TMOD1: variants seen among roughly 807,000 people sequenced by gnomAD.
TMOD1 encodes the protein tropomodulin 1.
A neutral mutation model predicts 40.6 loss-of-function variants in TMOD1; 17 were observed. The ratio of observed to expected loss-of-function variants is 0.42; its 90% confidence interval spans 0.29 to 0.63. TMOD1 has a LOEUF of 0.63. TMOD1 is among the 20% of genes least tolerant of loss of function. The pLI is 0.22. For synonymous variants in TMOD1, 181 were observed against 175.0 expected, an observed-to-expected ratio of 1.03 and a Z score of -0.27; for missense variants, 391 against 447.6, an observed-to-expected ratio of 0.87 and a Z score of 1.14.
chr9:97,575,361 A>C (rs1165905844), intron 8 of TMOD1, among the ~76,000 whole-genome samples: 1 of 152,228 alleles, frequency 6.6e-6, no homozygotes, highest in Non-Finnish European at 1.5e-5. Flanking sequence ...CAAACTCCGG[A>C]CACACCGCCT....
chr9:97,599,782 T>C lies in TMOD1; in HGVS notation c.*84T>C. ...CTGCAGGGGAAACCAGAAGGCAAAA[T>C]GCTGGCAGCATGAAACCCTTTTGTG... On this transcript the variant is annotated 3_prime_UTR_variant, in exon 10 of 10. Transcript: ENST00000259365. The C allele has an allele frequency of 6.2e-7, 1 of 1,605,876 alleles. No individual in the cohort carries two copies. The highest frequency in any genetic ancestry group is 8.5e-7 in the Non-Finnish European group (1 of 1,175,002).
chr9:97,584,098 T>G (rs1825815747), intron 8 of TMOD1, among the ~76,000 whole-genome samples: 1 of 149,724 alleles, frequency 6.7e-6, no homozygotes, highest in Admixed American at 6.6e-5. Context: ...GATGTTAGGG[T>G]GTCAATTTTG....
At chr9:97,511,164 A>G (rs1007954052) in intron 1 of TMOD1, among the ~76,000 whole-genome samples, 1 of 152,132 alleles carries the variant, frequency 6.6e-6, no homozygotes, top group Non-Finnish European at 1.5e-5. Flanking sequence ...AGCATCGAGC[A>G]TGGCTCATTG....
intron 2 of TMOD1, 39 bp from the exon 3 acceptor site, chr9:97,546,146 C>T: frequency 3.2e-6 from 5 of 1,572,014 alleles, no homozygotes; most frequent in Non-Finnish European, 4.3e-6. Context: ...CTCTCTCTCT[C>T]TTTCTCTCTC....
intron 1 of TMOD1, among the ~76,000 whole-genome samples, chr9:97,510,734 A>T (rs1011302217): frequency 2.0e-5 from 3 of 152,148 alleles, no homozygotes; most frequent in Non-Finnish European, 4.4e-5. Flanking sequence ...GGGTGCCTGA[A>T]GATAATGCAA....
At position 97,600,687 on chromosome 9, in the gene TMOD1, A is replaced by G. The variant is rs1826237969; in HGVS notation, c.*989A>G. ...ATTGCTGCTGACCTTACGCCTGTAT[A>G]TTAAGCCTCCGCAGGATGCCGGACA... On this transcript the variant is annotated 3_prime_UTR_variant, in exon 10 of 10. Transcript: ENST00000259365. 1 of 1,001,588 alleles carries G rather than the reference A, an allele frequency of 1.0e-6. No homozygotes were observed. Among genetic ancestry groups the G allele is most frequent in the Non-Finnish European group, 1.2e-6 (1 of 839,782 alleles). 62.0% of individuals were successfully genotyped at this position (1,001,588 alleles called of 1,614,324 possible).
At chr9:97,534,727 C>T (rs1270838623) in intron 2 of TMOD1, among the ~76,000 whole-genome samples, 1 of 152,206 alleles carries the variant, frequency 6.6e-6, no homozygotes, top group Non-Finnish European at 1.5e-5. Context: ...TTGAAGGGCA[C>T]CCAGTATCCT....
intron 1 of TMOD1, among the ~76,000 whole-genome samples, chr9:97,514,240 T>G (rs11790424): frequency 0.13 from 11,558 of 87,296 alleles, 626 homozygotes; most frequent in Non-Finnish European, 0.19. Flanking sequence ...GTTTTTTTTT[T>G]GGGGGGGGGG....
chr9:97,570,059 T>G (rs541647285), intron 8 of TMOD1, among the ~76,000 whole-genome samples: 2 of 152,234 alleles, frequency 1.3e-5, no homozygotes, highest in South Asian at 2.1e-4. Context: ...TATACCTGAG[T>G]GAGACTATCA....
chr9:97,544,526 A>C (rs1004120401), intron 2 of TMOD1, among the ~76,000 whole-genome samples: 2 of 150,816 alleles, frequency 1.3e-5, no homozygotes, highest in Non-Finnish European at 3.0e-5. Flanking sequence ...ACAGAGAAAG[A>C]CTCTGTCTCA....
chr9:97,576,193 G>A (rs930558578), intron 8 of TMOD1, among the ~76,000 whole-genome samples: 1 of 152,190 alleles, frequency 6.6e-6, no homozygotes, highest in Non-Finnish European at 1.5e-5. Flanking sequence ...TGTAATCCCA[G>A]CACTTTGGGA....
chr9:97,551,056 C>T (rs1388588963), intron 3 of TMOD1, among the ~76,000 whole-genome samples: 1 of 129,238 alleles, frequency 7.7e-6, no homozygotes, highest in Non-Finnish European at 1.6e-5. Context: ...TGGAGTCTTG[C>T]TCTGTCTCCC....
rs1444287096 is a variant in TMOD1 at position 97,598,315 on chromosome 9, G to A, written c.1016-1319G>A. On this transcript the variant is annotated intron_variant, in intron 9 of 9. Transcript: ENST00000259365. ...TGCACTCCAGTCTGTGTGACAGAGC[G>A]AAACTCCATCTCAAAAAAAAAAAAA... Among the ~76,000 whole-genome samples the A allele has an allele frequency of 4.8e-5, 5 of 105,206 alleles. No individual in the cohort carries two copies. The Admixed American group carries it at 5.4e-4, about 11-fold the overall frequency. 69.0% of individuals were successfully genotyped at this position (105,206 alleles called of 152,430 possible).
intron 8 of TMOD1, among the ~76,000 whole-genome samples, chr9:97,576,602 AAC>A (rs1427053987): frequency 6.6e-6 from 1 of 152,066 alleles, no homozygotes. Flanking sequence ...CATGCATAGA[AAC>A]ACAACTCATT....
At chr9:97,579,017 G>C (rs1168800158) in intron 8 of TMOD1, among the ~76,000 whole-genome samples, 1 of 152,178 alleles carries the variant, frequency 6.6e-6, no homozygotes, top group Non-Finnish European at 1.5e-5. Flanking sequence ...CCAGATTCCA[G>C]GGCTGTGCTG....
At chr9:97,527,550 T>G (rs948249505) in intron 2 of TMOD1, among the ~76,000 whole-genome samples, 3 of 151,270 alleles carry the variant, frequency 2.0e-5, no homozygotes, top group Non-Finnish European at 4.4e-5. Context: ...GCAAGGAGAG[T>G]GTTGTGTAGG....
chr9:97,561,138 A>C (rs760241664), intron 4 of TMOD1, among the ~76,000 whole-genome samples: 30 of 152,350 alleles, frequency 2.0e-4, no homozygotes, highest in Admixed American at 1.2e-3. Context: ...ACAGCTCTGC[A>C]GCCACATCCA....
chr9:97,538,782 A>G (rs7851600), intron 2 of TMOD1, among the ~76,000 whole-genome samples: 122,481 of 151,518 alleles, frequency 0.81, 50,232 homozygotes, highest in African/African-American at 0.95. Flanking sequence ...GGATCACGAG[A>G]TCAGGAGTTT....
chr9:97,562,784 G>GAGC lies in TMOD1; in HGVS notation c.457_459dup (p.Ser154dup). ...GTAACCAGCAGTACTACCAGGCCCT[G>GAGC]AGCAGCAGCTCCATCATGAACAAGG... On this transcript the variant is annotated inframe_insertion, in exon 5 of 10. Transcript: ENST00000259365. 6.3e-7 allele frequency: 1 copy of GAGC among 1,586,180 alleles called. No individual in the cohort carries two copies. The highest frequency in any genetic ancestry group is 8.6e-7 in the Non-Finnish European group (1 of 1,169,458).
Sources: allele counts gnomAD v4.1 joint callset (sites outside exome capture counted in the v4.1 genomes callset), GRCh38; gene constraint gnomAD v4.1.1; transcripts MANE v1.5; gene names NCBI Gene and HGNC (gene_info 2026-07-23, HGNC 2026-07-21).